Variants in AKAP13 observed in about 807,000 individuals in gnomAD.
The protein encoded by AKAP13 is A-kinase anchoring protein 13, also known as A-kinase anchor protein 13.
In AKAP13, 80 loss-of-function variants were observed where a neutral mutation model predicts 264.5. The ratio of observed to expected loss-of-function variants is 0.30; its 90% CI spans 0.25 to 0.36. The LOEUF (loss-of-function observed/expected upper bound fraction) is 0.36. Among genes scored for constraint, AKAP13 ranks in the 10% least tolerant of loss-of-function variants. The pLI is 1.00. For synonymous variants in AKAP13, 1,380 were observed against 1,250.2 expected (o/e 1.10, Z -2.19); for missense variants, 3,712 against 3,435.2 (o/e 1.08, Z -2.01).
At chr15:85,482,585 C>T (rs1245873841) in intron 1 of AKAP13, among the ~76,000 whole-genome samples, 1 of 152,080 alleles carries the variant, frequency 6.6e-6, no homozygotes, top group African/African-American at 2.4e-5. Flanking sequence ...AGCAGGAGAT[C>T]CTCTTACGAT....
chr15:85,458,778 T>A lies in AKAP13; in HGVS notation c.-11-26932T>A, dbSNP rs558073091. ...ACATTATATACTTTAATAAATTACT[T>A]AACAGCTTAAGTTTTCCGTGACAAC... is the stretch of plus-strand genomic sequence containing the variant. On this transcript the variant is annotated intron_variant, in intron 1 of 36. Coordinates refer to ENST00000394518, the MANE Select transcript of AKAP13 (RefSeq NM_007200.5). Among the ~76,000 whole-genome samples the A allele has an allele frequency of 5.3e-5, 8 of 152,202 alleles. No homozygotes were observed. The East Asian group carries it at 1.5e-3, about 29-fold the overall frequency.
intron 5 of AKAP13, among the ~76,000 whole-genome samples, chr15:85,560,150 AAAAAAAAC>A (rs2078312758): frequency 6.6e-6 from 1 of 151,464 alleles, no homozygotes; most frequent in African/African-American, 2.4e-5. Context: ...AAAAAAAAAA[AAAAAAAAC>A]AGTAAAAATA....
chr15:85,527,723 G>A (rs2077121245), intron 3 of AKAP13, among the ~76,000 whole-genome samples: 2 of 152,074 alleles, frequency 1.3e-5, no homozygotes. Flanking sequence ...ACTACTATTA[G>A]GTCCCCAAAA....
intron 8 of AKAP13, among the ~76,000 whole-genome samples, chr15:85,630,758 C>G (rs887832905): frequency 2.6e-5 from 4 of 151,838 alleles, no homozygotes; most frequent in African/African-American, 9.7e-5. Context: ...CATGTCACAC[C>G]TACTGTGGTA....
intron 33 of AKAP13, among the ~76,000 whole-genome samples, chr15:85,739,264 A>G (rs1043151764): frequency 1.3e-5 from 2 of 152,208 alleles, no homozygotes; most frequent in Admixed American, 1.3e-4. Flanking sequence ...ACAAATGCTC[A>G]TTTTCATCTT....
intron 1 of AKAP13, among the ~76,000 whole-genome samples, chr15:85,409,744 C>G (rs975909642): frequency 1.1e-4 from 16 of 150,942 alleles, no homozygotes; most frequent in African/African-American, 3.9e-4. Context: ...CATTCTCCTG[C>G]GTCAGCCTCC....
rs1192820674 is a variant in AKAP13, at chr15:85,724,333, C to T, written c.6745+1013C>T. Among the ~76,000 whole-genome samples the T allele has an allele frequency of 6.6e-6, 1 of 152,124 alleles. No individual in the cohort carries two copies. Among genetic ancestry groups the T allele is most frequent in the Non-Finnish European group, 1.5e-5 (1 of 68,030 alleles). ...AATGAAGAGCCTTGGAAAGAGATAC[C>T]TGCTCTACAGTGTGGTGAGTGCTGG... On this transcript the variant is annotated intron_variant, in intron 26 of 36. Transcript: ENST00000394518. The surrounding 1 kb of genome is among the most constrained non-coding windows in gnomAD (Gnocchi z 4.2).
rs879912262 is a variant in AKAP13 at position 85,719,914 on chromosome 15, C to CA, written c.6252+601dup. ...TGGGAGACAGAGTGATACTCTGTCT[C>CA]AAAAAAAAAAAAATTGAAAATTATT... On this transcript the variant is annotated intron_variant, in intron 23 of 36. Transcript: ENST00000394518. Among the ~76,000 whole-genome samples the CA allele has an allele frequency of 4.2e-3, 556 of 131,648 alleles. 1 individual carries two copies. Among genetic ancestry groups the CA allele is most frequent in the African/African-American group, 0.012 (411 of 35,554 alleles). The allele number at this position is 131,648 out of a possible 152,430, so 86.4% of individuals were successfully genotyped here.
At chr15:85,491,513 A>ATTATATG (rs2075725214) in intron 2 of AKAP13, among the ~76,000 whole-genome samples, 1 of 146,668 alleles carries the variant, frequency 6.8e-6, no homozygotes, top group African/African-American at 2.5e-5. Flanking sequence ...TATATTATAT[A>ATTATATG]TTATATATAT....
intron 4 of AKAP13, chr15:85,536,541 A>T (rs533679677): frequency 6.6e-6 from 1 of 152,222 alleles, no homozygotes; most frequent in Non-Finnish European, 1.5e-5. Flanking sequence ...TAGTAATGTT[A>T]TTCATAATCT....
intron 10 of AKAP13, among the ~76,000 whole-genome samples, chr15:85,646,525 C>A (rs1274207063): frequency 6.6e-6 from 1 of 152,106 alleles, no homozygotes; most frequent in Non-Finnish European, 1.5e-5. Context: ...ACTTGGGAGT[C>A]AGAAGAAATG....
intron 8 of AKAP13, among the ~76,000 whole-genome samples, chr15:85,633,724 T>TTAC (rs1168174444): frequency 6.6e-6 from 1 of 151,786 alleles, no homozygotes; most frequent in African/African-American, 2.4e-5. Flanking sequence ...TTTTGTATTT[T>TTAC]TAGTAGAGAC....
intron 20 of AKAP13, among the ~76,000 whole-genome samples, chr15:85,716,787 G>A (rs1013173098): frequency 7.9e-5 from 12 of 152,078 alleles, no homozygotes; most frequent in African/African-American, 2.9e-4. Context: ...AAGTTTGTAT[G>A]CATTGTAACT....
chr15:85,661,829 A>G (rs902601435), intron 12 of AKAP13, among the ~76,000 whole-genome samples: 2 of 151,218 alleles, frequency 1.3e-5, no homozygotes, highest in African/African-American at 4.9e-5. Context: ...GATGGATGCC[A>G]GTGTTGACTA....
intron 1 of AKAP13, among the ~76,000 whole-genome samples, chr15:85,384,864 A>G (rs1211771454): frequency 6.6e-6 from 1 of 152,156 alleles, no homozygotes; most frequent in African/African-American, 2.4e-5. Context: ...ATGAATGGAT[A>G]ATGTGTTTTT....
At position 85,747,564 on chromosome 15, in the gene AKAP13, G is replaced by A. The variant is rs2089405996; in HGVS notation, c.*2887G>A. The A allele has an allele frequency of 6.6e-6, 1 of 152,658 alleles. No individual in the cohort carries two copies. The highest frequency in any genetic ancestry group is 2.4e-5 in the African/African-American group (1 of 41,446). 9.5% of individuals were successfully genotyped at this position (152,658 alleles called of 1,614,324 possible). A position where few individuals can be genotyped will look rare whatever the true frequency, so the allele number is the denominator to read the frequency against. On this transcript the variant is annotated 3_prime_UTR_variant, in exon 37 of 37. Transcript: ENST00000394518. ...CAGAATCGAGTGAGCTTCCTGGAAG[G>A]AGACTGCGTCTTCTCTCAATTCCAG...
Position 85,501,129 on chromosome 15 carries a change from A to G in AKAP13, c.33+15376A>G, listed in dbSNP as rs192087587. Among the ~76,000 whole-genome samples, 8 of 152,246 alleles carry G rather than the reference A, an allele frequency of 5.3e-5. No individual in the cohort carries two copies. In the Middle Eastern group the frequency reaches 0.017, roughly 324 times the overall value. ...ACTCGTGAACACCATTTTCTTCTCA[A>G]TCACCTCTTGTGTTCCTAAATTCTA... On this transcript the variant is annotated intron_variant, in intron 2 of 36. Coordinates refer to ENST00000394518, the MANE Select transcript of AKAP13 (RefSeq NM_007200.5).
chr15:85,686,265 A>G (rs2084921954), intron 16 of AKAP13, among the ~76,000 whole-genome samples: 1 of 152,112 alleles, frequency 6.6e-6, no homozygotes, highest in Non-Finnish European at 1.5e-5. Flanking sequence ...TTTAGAAGTA[A>G]GGGAATAAAC....
chr15:85,620,180 G>A, intron 8 of AKAP13: 3 of 1,535,786 alleles, frequency 2.0e-6, no homozygotes, highest in Non-Finnish European at 2.6e-6. Flanking sequence ...AAGGTAAGGG[G>A]GGCTGCACCT....
Sources: allele counts gnomAD v4.1 joint callset (sites outside exome capture counted in the v4.1 genomes callset), GRCh38; gene constraint gnomAD v4.1.1; non-coding constraint Gnocchi (gnomAD v3.1); transcripts MANE v1.5; gene names NCBI Gene and HGNC (gene_info 2026-07-23, HGNC 2026-07-21).